Variants in NKAIN2 observed in about 807,000 individuals in gnomAD.
NKAIN2 encodes the protein sodium/potassium-transporting ATPase subunit beta-1-interacting protein 2.
A neutral mutation model predicts 32.6 loss-of-function variants in NKAIN2; 14 were observed. The observed-to-expected ratio is 0.43, with a 90% CI of 0.28 to 0.67. The LOEUF is 0.67. Among genes scored for constraint, NKAIN2 ranks in the 30% least tolerant of loss-of-function variants. The probability of loss-of-function intolerance (pLI) is 0.17; values close to 1 mark genes in which losing one functional copy is unlikely to be tolerated. For synonymous variants in NKAIN2, 80 were observed against 87.2 expected, an observed-to-expected ratio of 0.92 and a Z score of 0.46; for missense variants, 198 against 258.3, an observed-to-expected ratio of 0.77 and a Z score of 1.60.
intron 1 of NKAIN2, among the ~76,000 whole-genome samples, chr6:123,845,980 C>T (rs1307309375): frequency 2.6e-5 from 4 of 152,098 alleles, no homozygotes; most frequent in African/African-American, 9.7e-5. Context: ...TTTACCGGGT[C>T]TCTCTGACTC....
intron 2 of NKAIN2, among the ~76,000 whole-genome samples, chr6:124,316,294 A>C (rs1796946961): frequency 6.6e-6 from 1 of 152,118 alleles, no homozygotes; most frequent in African/African-American, 2.4e-5. Flanking sequence ...AATTTAAGAA[A>C]GAAAAATCAA....
chr6:123,886,755 T>C (rs913741454), intron 1 of NKAIN2, among the ~76,000 whole-genome samples: 1 of 152,132 alleles, frequency 6.6e-6, no homozygotes, highest in Non-Finnish European at 1.5e-5. Flanking sequence ...GTCAGTTCTT[T>C]CAGAACAGTA....
chr6:124,560,880 G>T (rs1250760775), intron 3 of NKAIN2, among the ~76,000 whole-genome samples: 1 of 152,160 alleles, frequency 6.6e-6, no homozygotes, highest in Non-Finnish European at 1.5e-5. Flanking sequence ...CAGATCATTT[G>T]AAAACTTTCA....
At chr6:124,159,109 A>G (rs780387271) in intron 1 of NKAIN2, among the ~76,000 whole-genome samples, 8 of 152,260 alleles carry the variant, frequency 5.3e-5, no homozygotes, top group South Asian at 4.1e-4. Flanking sequence ...ACTCACTTCC[A>G]TATTTGTTTC....
intron 3 of NKAIN2, among the ~76,000 whole-genome samples, chr6:124,396,413 G>A (rs1773380986): frequency 1.5e-5 from 2 of 136,278 alleles, no homozygotes. Flanking sequence ...TAATGAATAA[G>A]ACCTGCTATT....
At chr6:124,043,355 T>C (rs1454532597) in intron 1 of NKAIN2, among the ~76,000 whole-genome samples, 2 of 151,962 alleles carry the variant, frequency 1.3e-5, no homozygotes, top group South Asian at 2.1e-4. Context: ...ATAATAAAAA[T>C]AAATAAATAT....
chr6:124,205,570 T>A (rs1273774830), intron 1 of NKAIN2, among the ~76,000 whole-genome samples: 1 of 151,724 alleles, frequency 6.6e-6, no homozygotes, highest in Non-Finnish European at 1.5e-5. Flanking sequence ...AAATAGATTA[T>A]TCTTCTCAAT....
At chr6:123,819,997 C>T (rs530936683) in intron 1 of NKAIN2, among the ~76,000 whole-genome samples, 1 of 152,126 alleles carries the variant, frequency 6.6e-6, no homozygotes, top group South Asian at 2.1e-4. Context: ...AGATAAAATT[C>T]TCTGTATTTT....
chr6:124,115,461 G>A (rs1785565150), intron 1 of NKAIN2, among the ~76,000 whole-genome samples: 1 of 151,966 alleles, frequency 6.6e-6, no homozygotes, highest in Non-Finnish European at 1.5e-5. Context: ...TGACTATAGT[G>A]TTATCAGACA....
chr6:124,635,684 ATAT>A (rs773659270), intron 3 of NKAIN2, among the ~76,000 whole-genome samples: 1 of 152,092 alleles, frequency 6.6e-6, no homozygotes, highest in Non-Finnish European at 1.5e-5. Flanking sequence ...AAATCATAAA[ATAT>A]TATAAAGAAG....
At chr6:124,269,179 A>G (rs1794633627) in intron 1 of NKAIN2, among the ~76,000 whole-genome samples, 2 of 152,154 alleles carry the variant, frequency 1.3e-5, no homozygotes, top group Non-Finnish European at 2.9e-5. Flanking sequence ...GATAGAAAAT[A>G]TCATGTCTTA....
At chr6:123,854,547 A>C (rs942195831) in intron 1 of NKAIN2, among the ~76,000 whole-genome samples, 3 of 152,190 alleles carry the variant, frequency 2.0e-5, no homozygotes, top group Admixed American at 6.5e-5. Context: ...TTAATGCTAC[A>C]CTTAAGTACT....
At chr6:123,926,379 C>T (rs960317040) in intron 1 of NKAIN2, among the ~76,000 whole-genome samples, 1 of 152,130 alleles carries the variant, frequency 6.6e-6, no homozygotes, top group Non-Finnish European at 1.5e-5. Context: ...TGTCTTAAAC[C>T]TAAGTCTTCA....
At chr6:123,883,797 G>A (rs13206806) in intron 1 of NKAIN2, among the ~76,000 whole-genome samples, 83,056 of 147,760 alleles carry the variant, frequency 0.56, 23,598 homozygotes, top group East Asian at 0.69. Flanking sequence ...CGGGAAGCTG[G>A]GGCAGGAGAA....
chr6:124,172,859 A>G (rs775826103), intron 1 of NKAIN2, among the ~76,000 whole-genome samples: 1 of 152,180 alleles, frequency 6.6e-6, no homozygotes, highest in Non-Finnish European at 1.5e-5. Flanking sequence ...ATCATTTAAT[A>G]TGTAGTGTGG....
At chr6:124,108,895 A>T (rs1312836360) in intron 1 of NKAIN2, among the ~76,000 whole-genome samples, 1 of 151,952 alleles carries the variant, frequency 6.6e-6, no homozygotes, top group African/African-American at 2.4e-5. Flanking sequence ...ATATTGGTTT[A>T]TATGTCTATC....
At chr6:124,088,127 A>G (rs1360509467) in intron 1 of NKAIN2, among the ~76,000 whole-genome samples, 1 of 152,014 alleles carries the variant, frequency 6.6e-6, no homozygotes, top group Non-Finnish European at 1.5e-5. Flanking sequence ...TCTGTATGGC[A>G]CAAAAATGTT....
intron 1 of NKAIN2, among the ~76,000 whole-genome samples, chr6:123,962,040 T>C (rs1777873669): frequency 6.6e-6 from 1 of 152,198 alleles, no homozygotes; most frequent in Admixed American, 6.5e-5. Flanking sequence ...CTTTCTATAC[T>C]GGATGTTAAT....
intron 2 of NKAIN2, among the ~76,000 whole-genome samples, chr6:124,331,520 C>A (rs1797661060): frequency 7.3e-6 from 1 of 137,716 alleles, no homozygotes; most frequent in East Asian, 2.1e-4. Flanking sequence ...CAGAGCGAGA[C>A]TCCGTCTCAA....
Sources: gnomAD v4.1 joint callset for allele counts (sites outside exome capture counted in the v4.1 genomes callset) on GRCh38, gnomAD v4.1.1 for gene constraint, MANE v1.5 for transcripts, NCBI Gene and HGNC (gene_info 2026-07-23, HGNC 2026-07-21) for gene names.